The following GLIS1 variants were observed in gnomAD, a reference collection of about 807,000 sequenced individuals.
The protein encoded by GLIS1 is GLIS family zinc finger 1.
Under a neutral mutation model 63.8 loss-of-function variants are expected in GLIS1, and 24 were observed. The ratio of observed to expected loss-of-function variants is 0.38; its 90% CI spans 0.27 to 0.53. GLIS1 has a LOEUF of 0.53. GLIS1 is among the 20% of genes least tolerant of loss of function. GLIS1 has a pLI of 0.85. For missense variants in GLIS1, 1,036 were observed against 1,074.1 expected (o/e 0.96, Z 0.50); for synonymous variants, 450 against 482.5 (o/e 0.93, Z 0.88).
At chr1:53,724,890 T>G (rs1646790013) in intron 2 of GLIS1, among the ~76,000 whole-genome samples, 1 of 151,960 alleles carries the variant, frequency 6.6e-6, no homozygotes, top group Non-Finnish European at 1.5e-5. Flanking sequence ...AATTGATCAC[T>G]GTAGGATAAT....
At chr1:53,719,106 C>T (rs570498368) in intron 2 of GLIS1, among the ~76,000 whole-genome samples, 58 of 152,318 alleles carry the variant, frequency 3.8e-4, no homozygotes, top group Middle Eastern at 3.4e-3. Context: ...AGTTTGAAAA[C>T]GACCACTGCC....
chr1:53,654,356 T>C (rs1046988354), intron 2 of GLIS1, among the ~76,000 whole-genome samples: 3 of 152,102 alleles, frequency 2.0e-5, no homozygotes, highest in African/African-American at 7.2e-5. Flanking sequence ...GGAGGAGCCA[T>C]AGGCGGTGAG....
chr1:53,696,902 A>G (rs1345060946), intron 2 of GLIS1, among the ~76,000 whole-genome samples: 4 of 152,214 alleles, frequency 2.6e-5, no homozygotes, highest in African/African-American at 7.2e-5. Flanking sequence ...CCTGGCTGAC[A>G]GCCTCTCGAG....
chr1:53,733,613 A>G (rs1646885437), intron 2 of GLIS1, among the ~76,000 whole-genome samples: 1 of 152,180 alleles, frequency 6.6e-6, no homozygotes, highest in South Asian at 2.1e-4. Flanking sequence ...TGGGAATTAT[A>G]TTTCCGCTAC....
intron 2 of GLIS1, among the ~76,000 whole-genome samples, chr1:53,669,092 A>G (rs1375767454): frequency 6.6e-6 from 1 of 152,208 alleles, no homozygotes; most frequent in Non-Finnish European, 1.5e-5. Flanking sequence ...GACAATCTTC[A>G]GGTAAGCTGG....
At chr1:53,669,438 G>A (rs988218547) in intron 2 of GLIS1, among the ~76,000 whole-genome samples, 9 of 152,236 alleles carry the variant, frequency 5.9e-5, no homozygotes, top group Non-Finnish European at 8.8e-5. Flanking sequence ...AGAAGGGAAG[G>A]GGAGGGGTAA....
At chr1:53,674,646 T>A (rs2100407481) in intron 2 of GLIS1, among the ~76,000 whole-genome samples, 1 of 152,246 alleles carries the variant, frequency 6.6e-6, no homozygotes, top group African/African-American at 2.4e-5. Context: ...CACAGCCCAG[T>A]TCTGATGTCC....
At chr1:53,625,611 T>C (rs1163848281) in intron 2 of GLIS1, among the ~76,000 whole-genome samples, 1 of 152,234 alleles carries the variant, frequency 6.6e-6, no homozygotes, top group Non-Finnish European at 1.5e-5. Flanking sequence ...GGCCCAACCC[T>C]GGCTCTTTCT....
rs1038860602 is a variant in GLIS1 at position 53,650,643 on chromosome 1, G to A, written c.260-50365C>T. Among the ~76,000 whole-genome samples, 3 of 151,604 alleles carry A rather than the reference G, an allele frequency of 2.0e-5. No individual in the cohort carries two copies. In the East Asian group the frequency reaches 5.8e-4, roughly 29 times the overall value. On this transcript the variant is annotated intron_variant, in intron 2 of 10. Coordinates refer to ENST00000628545, the MANE Select transcript of GLIS1 (RefSeq NM_001367484.1). ...TAGGAAAGGCTTGGTAGGGTCATGA[G>A]GCGAGTAGGGGATGCACTGCTCTGT...
chr1:53,650,312 G>A (rs139989699), intron 2 of GLIS1, among the ~76,000 whole-genome samples: 3 of 152,218 alleles, frequency 2.0e-5, no homozygotes, highest in East Asian at 1.9e-4. Context: ...ACACTTGGCC[G>A]GGCGAGGTGG....
chr1:53,627,821 T>G (rs535795984), intron 2 of GLIS1, among the ~76,000 whole-genome samples: 2 of 152,336 alleles, frequency 1.3e-5, no homozygotes, highest in South Asian at 4.1e-4. Flanking sequence ...TGCCAGGCAC[T>G]GGGCTTGGCA....
At chr1:53,606,980 T>A (rs565387944) in intron 2 of GLIS1, among the ~76,000 whole-genome samples, 17 of 151,854 alleles carry the variant, frequency 1.1e-4, no homozygotes, top group Non-Finnish European at 2.4e-4. Flanking sequence ...AGGGCCAGAG[T>A]GAGCAGCCCA....
chr1:53,617,104 G>C (rs891803634), intron 2 of GLIS1, among the ~76,000 whole-genome samples: 1 of 151,954 alleles, frequency 6.6e-6, no homozygotes, highest in African/African-American at 2.4e-5. Flanking sequence ...CGCTCAGCCC[G>C]CCAGGAACAA....
Position 53,594,911 on chromosome 1 carries a change from A to T in GLIS1, c.517T>A (p.Tyr173Asn). Residue 173 changes from tyrosine to asparagine, a missense_variant, in exon 4 of 11, where the codon TAC becomes AAC. Around this residue, in one of 3 missense-constraint regions of GLIS1, gnomAD observed 592 missense variants for 593.9 expected, o/e 1.00. Coordinates refer to ENST00000628545, the MANE Select transcript of GLIS1 (RefSeq NM_001367484.1). ...GTGCGGGCCTCTGCCATGGCTTGGT[A>T]GTCGGGCAAGGACTCCTGTTTGATG... ...QHIKQESLPD[Y>N]QAMAEARTSL... is the part of the protein sequence containing the mutation. 3.3e-6 allele frequency: 5 copies of T among 1,516,872 alleles called. No individual in the cohort carries two copies. Among genetic ancestry groups the T allele is most frequent in the Non-Finnish European group, 4.4e-6 (5 of 1,141,038 alleles). The allele number at this position is 1,516,872 out of a possible 1,614,324, so 94.0% of individuals were successfully genotyped here.
chr1:53,656,383 T>C (rs1645966113), intron 2 of GLIS1, among the ~76,000 whole-genome samples: 1 of 152,196 alleles, frequency 6.6e-6, no homozygotes, highest in African/African-American at 2.4e-5. Flanking sequence ...GGAGGCTGCA[T>C]TAACGGCTTT....
At chr1:53,543,023 C>G (rs963560546) in intron 4 of GLIS1, among the ~76,000 whole-genome samples, 2 of 150,724 alleles carry the variant, frequency 1.3e-5, no homozygotes, top group Non-Finnish European at 2.9e-5. Flanking sequence ...TGTAAGCCCC[C>G]CAAAACCCAG....
At chr1:53,611,211 A>G (rs992321156) in intron 2 of GLIS1, among the ~76,000 whole-genome samples, 1 of 152,066 alleles carries the variant, frequency 6.6e-6, no homozygotes, top group Non-Finnish European at 1.5e-5. Flanking sequence ...CAGCCTCCCA[A>G]ATAGCTGAGA....
intron 2 of GLIS1, among the ~76,000 whole-genome samples, chr1:53,710,137 G>C (rs910248473): frequency 1.2e-4 from 19 of 152,208 alleles, no homozygotes; most frequent in Non-Finnish European, 2.5e-4. Context: ...TGAACCCCCA[G>C]AGAATCCAGG....
At chr1:53,645,465 C>T (rs987502501) in intron 2 of GLIS1, among the ~76,000 whole-genome samples, 1 of 152,134 alleles carries the variant, frequency 6.6e-6, no homozygotes, top group East Asian at 1.9e-4. Context: ...AGTTGTGACA[C>T]CCAGCAGGGG....
Sources: gnomAD v4.1 joint callset for allele counts (sites outside exome capture counted in the v4.1 genomes callset) on GRCh38, gnomAD v4.1.1 for gene constraint, gnomAD v4.1.1 regional missense constraint, MANE v1.5 for transcripts, NCBI Gene and HGNC (gene_info 2026-07-23, HGNC 2026-07-21) for gene names.